ATP9B: variants seen among roughly 807,000 people sequenced by gnomAD.
ATP9B encodes ATPase phospholipid transporting 9B.
A neutral mutation model predicts 146.1 loss-of-function variants in ATP9B; 110 were observed. That is an observed-to-expected ratio of 0.75 (90% CI 0.65 to 0.88). The LOEUF is 0.88. Ranked by LOEUF, ATP9B falls within the 40% of genes least tolerant of loss-of-function variation. The probability of loss-of-function intolerance (pLI) is 0.00; values close to 1 mark genes in which losing one functional copy is unlikely to be tolerated. For missense variants in ATP9B, 1,499 were observed against 1,496.4 expected (o/e 1.00, Z -0.03); for synonymous variants, 604 against 569.7 (o/e 1.06, Z -0.86).
chr18:79,304,672 C>T (rs2096611116), intron 14 of ATP9B, among the ~76,000 whole-genome samples: 1 of 152,202 alleles, frequency 6.6e-6, no homozygotes, highest in Non-Finnish European at 1.5e-5. Flanking sequence ...CTAACAGCCT[C>T]ATTCCTGCTG....
At chr18:79,272,017 T>C (rs897576726) in intron 12 of ATP9B, among the ~76,000 whole-genome samples, 1 of 152,358 alleles carries the variant, frequency 6.6e-6, no homozygotes, top group East Asian at 1.9e-4. Context: ...TTGTGTGTCT[T>C]TTGGCTGCAT....
At chr18:79,314,915 G>C (rs1383751777) in intron 15 of ATP9B, among the ~76,000 whole-genome samples, 1 of 152,256 alleles carries the variant, frequency 6.6e-6, no homozygotes, top group African/African-American at 2.4e-5. Flanking sequence ...GAGGGTGTCA[G>C]CTCAAGCGCT....
At chr18:79,073,989 T>C (rs1201355656) in intron 1 of ATP9B, among the ~76,000 whole-genome samples, 1 of 152,198 alleles carries the variant, frequency 6.6e-6, no homozygotes, top group African/African-American at 2.4e-5. Flanking sequence ...GTATTTTGTA[T>C]ATTAGGAGAA....
chr18:79,372,128 A>G (rs1387184265), intron 26 of ATP9B, among the ~76,000 whole-genome samples: 1 of 152,118 alleles, frequency 6.6e-6, no homozygotes, highest in Non-Finnish European at 1.5e-5. Context: ...TGGACTCTAA[A>G]TTAATCTTCA....
chr18:79,150,692 T>A (rs1040782510), intron 6 of ATP9B, among the ~76,000 whole-genome samples: 7 of 152,166 alleles, frequency 4.6e-5, no homozygotes, highest in African/African-American at 1.2e-4. Flanking sequence ...ATGACATTTT[T>A]AAAAATACTT....
chr18:79,274,847 T>C (rs1296714758), intron 12 of ATP9B, among the ~76,000 whole-genome samples: 1 of 152,264 alleles, frequency 6.6e-6, no homozygotes, highest in Admixed American at 6.5e-5. Context: ...GTAATTATTA[T>C]ATTCCATGAA....
intron 5 of ATP9B, among the ~76,000 whole-genome samples, chr18:79,128,546 A>G (rs1413920184): frequency 1.3e-5 from 2 of 152,214 alleles, no homozygotes; most frequent in Non-Finnish European, 2.9e-5. Flanking sequence ...GGAAGGATGA[A>G]GAAGGTAAGC....
At chr18:79,168,282 C>T (rs1049212633) in intron 7 of ATP9B, among the ~76,000 whole-genome samples, 9 of 151,830 alleles carry the variant, frequency 5.9e-5, no homozygotes, top group South Asian at 4.2e-4. Context: ...CTGCATCCTG[C>T]GGGGGGATAG....
intron 2 of ATP9B, 91 bp from the exon 3 acceptor site, chr18:79,110,264 A>T (rs1450557594): frequency 2.4e-6 from 3 of 1,275,288 alleles, no homozygotes; most frequent in Non-Finnish European, 2.1e-6. Flanking sequence ...ATACAGAAAC[A>T]ATCAATATTG....
chr18:79,290,023 C>CT (rs773381557), intron 13 of ATP9B, among the ~76,000 whole-genome samples: 1 of 152,020 alleles, frequency 6.6e-6, no homozygotes, highest in Non-Finnish European at 1.5e-5. Flanking sequence ...TCTGCCCCTG[C>CT]TTGGGGGGTG....
chr18:79,339,980 G>C (rs115910256), intron 19 of ATP9B, among the ~76,000 whole-genome samples: 3,434 of 152,248 alleles, frequency 0.023, 136 homozygotes, highest in African/African-American at 0.078. Flanking sequence ...TGATTAATGA[G>C]AAGCAGATGA....
intron 8 of ATP9B, among the ~76,000 whole-genome samples, chr18:79,181,008 A>T (rs2095246197): frequency 6.7e-6 from 1 of 149,220 alleles, no homozygotes; most frequent in African/African-American, 2.5e-5. Context: ...ACGGGGTTTC[A>T]CCATGTTGGC....
chr18:79,168,381 T>G (rs1600119868), intron 7 of ATP9B, among the ~76,000 whole-genome samples: 1 of 151,394 alleles, frequency 6.6e-6, no homozygotes, highest in East Asian at 1.9e-4. Flanking sequence ...TGATTTTGTT[T>G]TTTTTTTTTT....
intron 11 of ATP9B, among the ~76,000 whole-genome samples, chr18:79,252,681 T>C (rs2096038793): frequency 6.6e-6 from 1 of 152,168 alleles, no homozygotes; most frequent in African/African-American, 2.4e-5. Context: ...CACAGTTTGC[T>C]CAGCTGGTAA....
chr18:79,359,545 G>T, intron 26 of ATP9B, 83 bp downstream of exon 26: 1 of 1,052,596 alleles, frequency 9.5e-7, no homozygotes. Flanking sequence ...GGCCAGTCAG[G>T]AGGCATTTCC....
intron 25 of ATP9B, among the ~76,000 whole-genome samples, chr18:79,355,153 G>A (rs1327669680): frequency 2.0e-5 from 3 of 152,228 alleles, no homozygotes; most frequent in Non-Finnish European, 4.4e-5. Flanking sequence ...CAAAAACAGC[G>A]CCCTCCTTTC....
At chr18:79,202,335 A>G (rs1298067213) in intron 9 of ATP9B, among the ~76,000 whole-genome samples, 1 of 152,200 alleles carries the variant, frequency 6.6e-6, no homozygotes, top group Non-Finnish European at 1.5e-5. Context: ...GCCAGTTTTG[A>G]AGTATTAGCA....
At chr18:79,246,339 CTG>C (rs137891914) in intron 11 of ATP9B, among the ~76,000 whole-genome samples, 8 of 137,414 alleles carry the variant, frequency 5.8e-5, no homozygotes, top group African/African-American at 2.5e-4. Flanking sequence ...GCCCTACTGA[CTG>C]TGCGGAGGGC....
At chr18:79,348,270 CA>C (rs2096902909) in intron 25 of ATP9B, 74 bp downstream of exon 25, 10 of 809,602 alleles carry the variant, frequency 1.2e-5, no homozygotes, top group African/African-American at 9.4e-5. Context: ...AAAAAAAAAA[CA>C]AAAAACGTAT....
Sources: allele counts gnomAD v4.1 joint callset (sites outside exome capture counted in the v4.1 genomes callset), GRCh38; gene constraint gnomAD v4.1.1; transcripts MANE v1.5; gene names NCBI Gene and HGNC (gene_info 2026-07-23, HGNC 2026-07-21).